Variants in NLRP1 observed in about 807,000 individuals in gnomAD.
NLRP1 encodes the protein NLR family pyrin domain containing 1.
NLRP1 carries 94 observed loss-of-function variants against 136.7 expected under a neutral mutation model. The ratio of observed to expected loss-of-function variants is 0.69; its 90% CI spans 0.58 to 0.82. The LOEUF is 0.82. Ranked by LOEUF, NLRP1 falls within the 40% of genes least tolerant of loss-of-function variation. NLRP1 has a pLI of 0.00. For synonymous variants in NLRP1, 690 were observed against 725.1 expected (o/e 0.95, Z 0.78); for missense variants, 1,575 against 1,802.7 (o/e 0.87, Z 2.29).
At chr17:5,536,987 TC>T (rs1164424719) in intron 7 of NLRP1, 47 bp from the exon 8 acceptor site, 3 of 1,300,082 alleles carry the variant, frequency 2.3e-6, no homozygotes, top group Non-Finnish European at 3.3e-6. Context: ...CCCCATGTGG[TC>T]CCCAGGTCCC....
intron 3 of NLRP1, among the ~76,000 whole-genome samples, chr17:5,570,960 T>C (rs1376002956): frequency 1.3e-5 from 2 of 152,076 alleles, no homozygotes; most frequent in African/African-American, 4.8e-5. Flanking sequence ...ATTCAACATA[T>C]GCAAATCAAT....
At chr17:5,556,161 C>CACACACACACAT (rs908575596) in intron 4 of NLRP1, among the ~76,000 whole-genome samples, 1 of 118,298 alleles carries the variant, frequency 8.5e-6, no homozygotes, top group Non-Finnish European at 1.8e-5. Context: ...CACACACACA[C>CACACACACACAT]ATGAAGGGCT....
rs764094924 is a variant in NLRP1 at position 5,559,068 on chromosome 17, G to A, written c.1628C>T (p.Thr543Ile). 1 of 1,614,182 alleles carries A rather than the reference G, an allele frequency of 6.2e-7. No homozygotes were observed. The highest frequency in any genetic ancestry group is 1.1e-5 in the South Asian group (1 of 91,086). The change falls in exon 4 of 17, where the codon ACT (threonine) becomes ATT (isoleucine). Residue 543 changes from threonine to isoleucine, a missense_variant. Physicochemically the swap from Thr to Ile is moderately conservative, Grantham distance 89 (BLOSUM62 -1). Coordinates refer to ENST00000572272, the MANE Select transcript of NLRP1 (RefSeq NM_033004.4). Reference protein sequence around the residue: ...QMKRKEKLTLTSKTTTTLCLH... With the variant: ...QMKRKEKLTLISKTTTTLCLH... ...ACAGAGGGTTGTGGTGGTCTTGGAAGTCAGTGTGAGTTTTTCCTTCCGCTT... is the reference window on the plus strand; with the variant it reads ...ACAGAGGGTTGTGGTGGTCTTGGAAATCAGTGTGAGTTTTTCCTTCCGCTT...
At chr17:5,545,455 C>T (rs1173260478) in intron 5 of NLRP1, among the ~76,000 whole-genome samples, 1 of 130,260 alleles carries the variant, frequency 7.7e-6, no homozygotes, top group Non-Finnish European at 1.5e-5. Flanking sequence ...GACACACAGA[C>T]ACACATACAG....
At chr17:5,548,642 A>G (rs11654668) in intron 5 of NLRP1, among the ~76,000 whole-genome samples, 7,177 of 151,934 alleles carry the variant, frequency 0.047, 197 homozygotes, top group Middle Eastern at 0.085. Flanking sequence ...TCTTTAATGC[A>G]CTCCAGTCTG....
At chr17:5,535,476 T>A (rs566685509) in intron 8 of NLRP1, among the ~76,000 whole-genome samples, 1 of 152,260 alleles carries the variant, frequency 6.6e-6, no homozygotes, top group East Asian at 1.9e-4. Flanking sequence ...AGCCAACCTG[T>A]CCTGTCTTTC....
In NLRP1 at chr17:5,584,131, G is replaced by A. The variant is rs202061822; in HGVS notation, c.-174C>T. The A allele has an allele frequency of 1.2e-5, 8 of 661,768 alleles. No individual in the cohort carries two copies. Among genetic ancestry groups the A allele is most frequent in the Non-Finnish European group, 2.5e-6 (1 of 394,612 alleles). The allele number at this position is 661,768 out of a possible 1,614,324, so 41.0% of individuals were successfully genotyped here. ...ACAGATAGACGCCGATAGAGGGGGA[G>A]TGGTAGGAAAAGCCAGGGGAGGGAG... is the stretch of plus-strand genomic sequence containing the variant. On this transcript the variant is annotated 5_prime_UTR_variant, in exon 1 of 17. Transcript: ENST00000572272.
intron 8 of NLRP1, among the ~76,000 whole-genome samples, chr17:5,536,314 A>T (rs1445217758): frequency 6.6e-6 from 1 of 151,504 alleles, no homozygotes; most frequent in East Asian, 1.9e-4. Flanking sequence ...ACACCCAGCT[A>T]ATTTTTGTAT....
chr17:5,507,520 C>T (rs1425826357), intron 15 of NLRP1, among the ~76,000 whole-genome samples: 1 of 152,156 alleles, frequency 6.6e-6, no homozygotes, highest in Non-Finnish European at 1.5e-5. Context: ...CATGGTGAAA[C>T]CCTGCCTCTA....
chr17:5,521,850 G>A, intron 12 of NLRP1, 64 bp from the exon 13 acceptor site: 1 of 1,467,896 alleles, frequency 6.8e-7, no homozygotes, highest in African/African-American at 1.4e-5. Flanking sequence ...TTGAGACAGA[G>A]TTTCGCTCTT....
chr17:5,510,822 G>A (rs752895468), downstream of NLRP1, among the ~76,000 whole-genome samples: 26 of 152,136 alleles, frequency 1.7e-4, no homozygotes, highest in East Asian at 5.8e-4. Flanking sequence ...TGCGTATTTC[G>A]TATCTCCTTG....
intron 6 of NLRP1, 62 bp from the exon 7 acceptor site, chr17:5,539,647 T>C: frequency 6.9e-7 from 1 of 1,459,190 alleles, no homozygotes; most frequent in Non-Finnish European, 9.0e-7. Flanking sequence ...TCAGGGTAAC[T>C]AGGGTCTGAT....
Position 5,541,674 on chromosome 17 carries a change from GC to G in NLRP1, c.2699+182del, listed in dbSNP as rs1911881260. 1.3e-5 allele frequency among the ~76,000 whole-genome samples: 2 copies of G among 152,026 alleles called. No homozygotes were observed. The highest frequency in any genetic ancestry group is 2.9e-5 in the Non-Finnish European group (2 of 67,994). On this transcript the variant is annotated intron_variant, in intron 6 of 16. Coordinates refer to ENST00000572272, the MANE Select transcript of NLRP1 (RefSeq NM_033004.4). The surrounding 1 kb of genome is among the most constrained non-coding windows in gnomAD (Gnocchi z 4.2). ...CTCTTGCTGTATTTGGAGCCTGGAG[GC>G]CCCCTCCCTCTGTCCAAGGGTGGAT...
intron 12 of NLRP1, among the ~76,000 whole-genome samples, chr17:5,522,474 G>A (rs1328868858): frequency 2.0e-5 from 3 of 152,190 alleles, no homozygotes; most frequent in Non-Finnish European, 4.4e-5. Flanking sequence ...ATCTGCTGGC[G>A]CCTTGATCTT....
At chr17:5,556,587 G>A (rs1597455516) in intron 4 of NLRP1, among the ~76,000 whole-genome samples, 1 of 151,522 alleles carries the variant, frequency 6.6e-6, no homozygotes, top group Admixed American at 6.6e-5. Context: ...ATAGACATGT[G>A]CACAGAAAAA....
At chr17:5,506,460 A>C (rs1359224216) in intron 15 of NLRP1, among the ~76,000 whole-genome samples, 1 of 152,162 alleles carries the variant, frequency 6.6e-6, no homozygotes, top group Non-Finnish European at 1.5e-5. Context: ...TTTCAAAGAG[A>C]TATCTGTACA....
rs1322947463 is a variant in NLRP1 at position 5,559,101 on chromosome 17, T to C, written c.1595A>G (p.Gln532Arg). Residue 532 changes from glutamine (Q) to arginine (R), a missense_variant, in exon 4 of 17, where the codon CAG becomes CGG. Physicochemically the swap from Gln to Arg is conservative, Grantham distance 43. Transcript: ENST00000572272. ...VSWLACTCLMQQMKRKEKLTL... is the reference protein window; with the variant it reads ...VSWLACTCLMRQMKRKEKLTL... ...GAGTTTTTCCTTCCGCTTCATCTGC[T>C]GCATCAGGCAAGTGCAGGCCAGCCA... 3 of 1,614,094 alleles carry C rather than the reference T, an allele frequency of 1.9e-6. No homozygotes were observed. The highest frequency in any genetic ancestry group is 2.5e-6 in the Non-Finnish European group (3 of 1,180,048).
At position 5,537,763 on chromosome 17, in the gene NLRP1, G is replaced by A. The variant is rs1043517917; in HGVS notation, c.2871-823C>T. 6.6e-6 allele frequency among the ~76,000 whole-genome samples: 1 copy of A among 152,114 alleles called. No homozygotes were observed. The highest frequency in any genetic ancestry group is 2.4e-5 in the African/African-American group (1 of 41,414). On this transcript the variant is annotated intron_variant, in intron 7 of 16. Coordinates refer to ENST00000572272, the MANE Select transcript of NLRP1 (RefSeq NM_033004.4). The surrounding 1 kb of genome is among the most constrained non-coding windows in gnomAD (Gnocchi z 4.5). ...AGGGAAGGAGGTGGAAACCTACTCG[G>A]GACTCTAGAGAGCAAACCCCCTCAG... is the stretch of plus-strand genomic sequence containing the variant.
At chr17:5,575,363 T>C (rs1904906568) in intron 3 of NLRP1, among the ~76,000 whole-genome samples, 1 of 152,206 alleles carries the variant, frequency 6.6e-6, no homozygotes, top group Non-Finnish European at 1.5e-5. Flanking sequence ...ATCAGTGTGC[T>C]GTATTCAGGA....
Sources: allele counts gnomAD v4.1 joint callset (sites outside exome capture counted in the v4.1 genomes callset), GRCh38; gene constraint gnomAD v4.1.1; non-coding constraint Gnocchi (gnomAD v3.1); transcripts MANE v1.5; gene names NCBI Gene and HGNC (gene_info 2026-07-23, HGNC 2026-07-21).